THSD7B: variants seen among roughly 807,000 people sequenced by gnomAD.
THSD7B encodes thrombospondin type 1 domain containing 7B.
THSD7B carries 138 observed loss-of-function variants against 213.6 expected under a neutral mutation model. The observed-to-expected ratio is 0.65, with a 90% CI of 0.56 to 0.74. The LOEUF (loss-of-function observed/expected upper bound fraction) is 0.74. Among genes scored for constraint, THSD7B ranks in the 30% least tolerant of loss-of-function variants. The pLI is 0.00. For synonymous variants in THSD7B, 742 were observed against 687.0 expected, an observed-to-expected ratio of 1.08 and a Z score of -1.25; for missense variants, 1,931 against 1,991.5, an observed-to-expected ratio of 0.97 and a Z score of 0.58.
chr2:137,112,867 T>C (rs189318133), intron 4 of THSD7B, among the ~76,000 whole-genome samples: 26 of 152,210 alleles, frequency 1.7e-4, no homozygotes, highest in African/African-American at 5.8e-4. Flanking sequence ...ACTTATTGAA[T>C]ATTTATTATA....
chr2:137,559,152 T>C (rs1223953508), intron 15 of THSD7B, among the ~76,000 whole-genome samples: 7 of 152,098 alleles, frequency 4.6e-5, no homozygotes, highest in Non-Finnish European at 7.4e-5. Context: ...AGGTAATTTA[T>C]AGATTCAATG....
intron 3 of THSD7B, among the ~76,000 whole-genome samples, chr2:137,060,710 T>A (rs538887949): frequency 5.9e-5 from 9 of 152,038 alleles, no homozygotes; most frequent in Non-Finnish European, 1.0e-4. Context: ...ATTTTTATTC[T>A]ATTTTACTAT....
At chr2:136,809,689 A>G (rs1450559268) in intron 1 of THSD7B, among the ~76,000 whole-genome samples, 1 of 152,178 alleles carries the variant, frequency 6.6e-6, no homozygotes, top group East Asian at 1.9e-4. Context: ...TTAGCTTGGG[A>G]ATGGCATGAT....
chr2:137,099,754 A>G (rs190339493), intron 4 of THSD7B, among the ~76,000 whole-genome samples: 73 of 152,348 alleles, frequency 4.8e-4, no homozygotes, highest in Non-Finnish European at 9.4e-4. Context: ...TAAAACTCTT[A>G]AGAAAATCTC....
At chr2:137,366,377 A>G (rs1685408374) in intron 12 of THSD7B, among the ~76,000 whole-genome samples, 1 of 152,086 alleles carries the variant, frequency 6.6e-6, no homozygotes, top group South Asian at 2.1e-4. Context: ...GTACCCTAGA[A>G]CTTAAAGTAT....
chr2:136,859,760 TA>T (rs1683230988), intron 1 of THSD7B, among the ~76,000 whole-genome samples: 1 of 152,198 alleles, frequency 6.6e-6, no homozygotes, highest in Non-Finnish European at 1.5e-5. Context: ...TGGCATTTTT[TA>T]AAAAGAGAAG....
chr2:137,498,407 G>A (rs997381859), intron 15 of THSD7B, among the ~76,000 whole-genome samples: 2 of 151,058 alleles, frequency 1.3e-5, no homozygotes, highest in East Asian at 3.9e-4. Context: ...TAATCAAGTA[G>A]TTCTGAAACT....
At chr2:137,128,417 A>G (rs1171076386) in intron 5 of THSD7B, among the ~76,000 whole-genome samples, 4 of 152,216 alleles carry the variant, frequency 2.6e-5, no homozygotes, top group African/African-American at 9.6e-5. Flanking sequence ...TGTGACACAA[A>G]TCACTCATGG....
intron 2 of THSD7B, among the ~76,000 whole-genome samples, chr2:137,032,469 CA>C (rs1686693848): frequency 2.6e-5 from 4 of 152,072 alleles, no homozygotes; most frequent in Non-Finnish European, 5.9e-5. Flanking sequence ...CAGTTCTTCC[CA>C]AAAAAGGAAC....
intron 3 of THSD7B, among the ~76,000 whole-genome samples, chr2:137,080,170 G>A (rs1687715459): frequency 6.7e-6 from 1 of 149,140 alleles, no homozygotes. Flanking sequence ...GTAAATATAT[G>A]TGTGTGTGTG....
chr2:136,875,661 C>T (rs1343534092), intron 1 of THSD7B, among the ~76,000 whole-genome samples: 1 of 152,158 alleles, frequency 6.6e-6, no homozygotes, highest in East Asian at 1.9e-4. Flanking sequence ...CCAAGCCACT[C>T]TATCCGGATC....
chr2:136,944,922 C>G (rs184170447), intron 2 of THSD7B, among the ~76,000 whole-genome samples: 1 of 152,040 alleles, frequency 6.6e-6, no homozygotes, highest in Admixed American at 6.5e-5. Context: ...TGAATCTGAT[C>G]CTGTCATTAT....
At chr2:137,603,136 C>T (rs570902315) in intron 17 of THSD7B, among the ~76,000 whole-genome samples, 25 of 152,292 alleles carry the variant, frequency 1.6e-4, no homozygotes, top group African/African-American at 5.3e-4. Flanking sequence ...CCAGCATGAA[C>T]GCCTCCCCTC....
chr2:137,104,255 G>A (rs74507268), intron 4 of THSD7B, among the ~76,000 whole-genome samples: 2 of 152,224 alleles, frequency 1.3e-5, no homozygotes, highest in South Asian at 4.1e-4. Flanking sequence ...GTACATGGAA[G>A]CTGAACAACC....
At chr2:137,451,120 A>C in intron 15 of THSD7B, 97 bp downstream of exon 15, 6 of 1,260,338 alleles carry the variant, frequency 4.8e-6, no homozygotes, top group African/African-American at 1.5e-5. Context: ...CAAGGAGCTC[A>C]TTAAAAGTTA....
chr2:137,127,008 A>G (rs1688640551), intron 5 of THSD7B, among the ~76,000 whole-genome samples: 1 of 152,140 alleles, frequency 6.6e-6, no homozygotes, highest in Non-Finnish European at 1.5e-5. Flanking sequence ...TGGAGCCCCA[A>G]AACAATGACA....
chr2:137,192,755 A>C (rs1196136695), intron 7 of THSD7B, among the ~76,000 whole-genome samples: 1 of 152,216 alleles, frequency 6.6e-6, no homozygotes, highest in Admixed American at 6.5e-5. Context: ...TTGATAATAA[A>C]TTAAATATAT....
At chr2:136,974,929 T>C (rs1279922088) in intron 2 of THSD7B, among the ~76,000 whole-genome samples, 1 of 152,222 alleles carries the variant, frequency 6.6e-6, no homozygotes, top group Admixed American at 6.5e-5. Context: ...GTGGTTTTGA[T>C]TTACATTTCT....
At chr2:137,395,381 G>A (rs1686152734) in intron 12 of THSD7B, among the ~76,000 whole-genome samples, 1 of 150,172 alleles carries the variant, frequency 6.7e-6, no homozygotes, top group Non-Finnish European at 1.5e-5. Context: ...AAGGGTTGTT[G>A]AATTTTGTCA....
Sources: gnomAD v4.1 joint callset for allele counts (sites outside exome capture counted in the v4.1 genomes callset) on GRCh38, gnomAD v4.1.1 for gene constraint, MANE v1.5 for transcripts, NCBI Gene and HGNC (gene_info 2026-07-23, HGNC 2026-07-21) for gene names.